The following RBFOX1 variants were observed in gnomAD, a reference collection of about 807,000 sequenced individuals.
The protein encoded by RBFOX1 is RNA binding protein fox-1 homolog 1.
A neutral mutation model predicts 57.7 loss-of-function variants in RBFOX1; 8 were observed. The observed-to-expected ratio is 0.14, with a 90% CI of 0.08 to 0.25. The LOEUF (loss-of-function observed/expected upper bound fraction) is 0.25, where lower values mean the gene tolerates loss of function less well. Ranked by LOEUF, RBFOX1 falls within the 10% of genes least tolerant of loss-of-function variation. The pLI, the probability that RBFOX1 is intolerant of heterozygous loss-of-function variation, is 1.00. For synonymous variants in RBFOX1, 326 were observed against 222.4 expected (o/e 1.47, Z -4.15); for missense variants, 611 against 548.5 (o/e 1.11, Z -1.14).
chr16:6,507,446 G>A (rs779059560), intron 2 of RBFOX1, among the ~76,000 whole-genome samples: 2 of 129,696 alleles, frequency 1.5e-5, no homozygotes, highest in African/African-American at 5.8e-5. Flanking sequence ...TAAGGCAGGA[G>A]GATTAATAGA....
At chr16:7,621,008 C>T (rs1012319863) in intron 10 of RBFOX1, among the ~76,000 whole-genome samples, 5 of 152,124 alleles carry the variant, frequency 3.3e-5, no homozygotes, top group African/African-American at 1.2e-4. Context: ...TCTGCATCCC[C>T]TGGAAGCCTA....
intron 3 of RBFOX1, among the ~76,000 whole-genome samples, chr16:6,902,843 T>TCATCTGC (rs1567800005): frequency 3.3e-5 from 5 of 152,048 alleles, no homozygotes; most frequent in African/African-American, 1.2e-4. Context: ...TTTCCATCTG[T>TCATCTGC]TCATTTATTT....
intron 4 of RBFOX1, among the ~76,000 whole-genome samples, chr16:7,450,580 G>A (rs754170699): frequency 6.6e-6 from 1 of 152,050 alleles, no homozygotes; most frequent in Non-Finnish European, 1.5e-5. Context: ...AGTGTCTTAA[G>A]GAGGAAAAGA....
chr16:6,848,785 T>C (rs915468685), intron 3 of RBFOX1, among the ~76,000 whole-genome samples: 1 of 152,098 alleles, frequency 6.6e-6, no homozygotes, highest in African/African-American at 2.4e-5. Flanking sequence ...GCAGGCAGCA[T>C]TTAAAGAGAA....
At chr16:6,099,470 C>G (rs1027542154) in intron 1 of RBFOX1, among the ~76,000 whole-genome samples, 6 of 152,036 alleles carry the variant, frequency 3.9e-5, no homozygotes, top group Admixed American at 1.3e-4. Context: ...ATAAAATATC[C>G]AGAGGAATTA....
chr16:7,579,683 G>A, intron 5 of RBFOX1, 94 bp from the exon 6 acceptor site: 4 of 1,497,534 alleles, frequency 2.7e-6, no homozygotes, highest in Non-Finnish European at 3.7e-6. Flanking sequence ...GCTTAGTTCT[G>A]ATCTTTTCCT....
exon 3 of RBFOX1, chr16:5,599,772 C>G (rs80156067): frequency 0.03 from 4,670 of 153,534 alleles, 110 homozygotes; most frequent in Non-Finnish European, 0.05. Flanking sequence ...GACTCAAAGA[C>G]AAAAAATGAT....
chr16:6,838,698 C>G (rs899219597), intron 3 of RBFOX1, among the ~76,000 whole-genome samples: 3 of 152,162 alleles, frequency 2.0e-5, no homozygotes, highest in African/African-American at 7.2e-5. Context: ...ATGCTAATCC[C>G]CAGTCTGGGG....
Position 7,411,728 on chromosome 16 carries a change from A to G in RBFOX1, c.28-106419A>G, listed in dbSNP as rs1009468104. 4.6e-5 allele frequency among the ~76,000 whole-genome samples: 7 copies of G among 151,754 alleles called. No individual in the cohort carries two copies. The East Asian group carries it at 9.7e-4, about 21-fold the overall frequency. ...AGACCAGCCTGACCAACATGGAGAA[A>G]CCCCGTCTCTATTAAAATGCAAAAA... On this transcript the variant is annotated intron_variant, in intron 4 of 15. Coordinates refer to ENST00000550418, the MANE Select transcript of RBFOX1 (RefSeq NM_018723.4).
chr16:6,360,730 T>G (rs2088310101), intron 2 of RBFOX1, among the ~76,000 whole-genome samples: 2 of 152,302 alleles, frequency 1.3e-5, no homozygotes, highest in South Asian at 4.1e-4. Context: ...GAATGTATGC[T>G]CGAATGTTAA....
At chr16:6,795,998 T>C (rs2083926899) in intron 3 of RBFOX1, among the ~76,000 whole-genome samples, 1 of 152,086 alleles carries the variant, frequency 6.6e-6, no homozygotes. Flanking sequence ...TAAAATATCA[T>C]GGTTACTGTA....
At chr16:7,266,326 C>A in intron 4 of RBFOX1, among the ~76,000 whole-genome samples, 1 of 152,072 alleles carries the variant, frequency 6.6e-6, no homozygotes, top group East Asian at 1.9e-4. Context: ...CACGCTCTCG[C>A]CCTCTTGCTC....
chr16:5,815,941 A>G (rs1194726432), intron 3 of RBFOX1, among the ~76,000 whole-genome samples: 1 of 152,104 alleles, frequency 6.6e-6, no homozygotes, highest in Non-Finnish European at 1.5e-5. Flanking sequence ...TGGGTATTAC[A>G]ATTGGTTAAA....
At chr16:7,702,760 G>C (rs147522336) in intron 14 of RBFOX1, among the ~76,000 whole-genome samples, 7 of 152,204 alleles carry the variant, frequency 4.6e-5, no homozygotes, top group African/African-American at 1.4e-4. Context: ...TCCAGATGCA[G>C]TTCCTCCGGA....
chr16:7,391,672 C>G (rs926989644), intron 4 of RBFOX1, among the ~76,000 whole-genome samples: 4 of 152,344 alleles, frequency 2.6e-5, no homozygotes, highest in Non-Finnish European at 4.4e-5. Flanking sequence ...TTATGATACT[C>G]TTCCCCCAAA....
At chr16:6,901,326 A>G (rs1423854828) in intron 3 of RBFOX1, among the ~76,000 whole-genome samples, 3 of 152,198 alleles carry the variant, frequency 2.0e-5, no homozygotes, top group Admixed American at 6.5e-5. Context: ...CGGCAAGTCA[A>G]CAGAAGTTTC....
At chr16:7,027,625 A>G (rs1164193078) in intron 3 of RBFOX1, among the ~76,000 whole-genome samples, 2 of 152,298 alleles carry the variant, frequency 1.3e-5, no homozygotes, top group East Asian at 1.9e-4. Context: ...ATAGAATTTA[A>G]TCCCCCAAGC....
chr16:7,534,681 T>C (rs1182519014), intron 5 of RBFOX1, among the ~76,000 whole-genome samples: 2 of 152,186 alleles, frequency 1.3e-5, no homozygotes, highest in Admixed American at 1.3e-4. Context: ...CTAATGTATT[T>C]AGCCGGGGGA....
At chr16:6,890,986 T>C (rs1234532197) in intron 3 of RBFOX1, among the ~76,000 whole-genome samples, 3 of 152,220 alleles carry the variant, frequency 2.0e-5, no homozygotes, top group Non-Finnish European at 4.4e-5. Context: ...CCTGGTTCTT[T>C]GTGTCTCAGA....
Sources: allele counts gnomAD v4.1 joint callset (sites outside exome capture counted in the v4.1 genomes callset), GRCh38; gene constraint gnomAD v4.1.1; transcripts MANE v1.5; gene names NCBI Gene and HGNC (gene_info 2026-07-23, HGNC 2026-07-21).